KLF12: variants seen among roughly 807,000 people sequenced by gnomAD.
KLF12 encodes Krueppel-like factor 12.
Under a neutral mutation model 37.8 loss-of-function variants are expected in KLF12, and 9 were observed. The observed-to-expected ratio is 0.24, with a 90% CI of 0.14 to 0.42. The LOEUF (loss-of-function observed/expected upper bound fraction) is 0.42. Among genes scored for constraint, KLF12 ranks in the 10% least tolerant of loss-of-function variants. The pLI is 1.00. For missense variants in KLF12, 411 were observed against 516.0 expected (o/e 0.80, Z 1.97); for synonymous variants, 208 against 202.1 (o/e 1.03, Z -0.25).
chr13:73,975,009 T>C (rs1193872784), intron 2 of KLF12, among the ~76,000 whole-genome samples: 1 of 152,198 alleles, frequency 6.6e-6, no homozygotes, highest in Non-Finnish European at 1.5e-5. Context: ...TAAAAGGGAA[T>C]CTTAAAACTC....
the KLF12 span, among the ~76,000 whole-genome samples, chr13:74,298,645 T>C: frequency 2.0e-5 from 3 of 152,216 alleles, no homozygotes; most frequent in Non-Finnish European, 2.9e-5. Flanking sequence ...TTTGAAGTTA[T>C]AGAGGCTGGA....
At chr13:73,711,182 A>G (rs918702424) in intron 7 of KLF12, among the ~76,000 whole-genome samples, 7 of 152,232 alleles carry the variant, frequency 4.6e-5, no homozygotes, top group African/African-American at 1.7e-4. Flanking sequence ...GTTTAAGGAC[A>G]GAAGCTGTCT....
chr13:73,808,882 C>T (rs1406682639), intron 5 of KLF12, among the ~76,000 whole-genome samples: 1 of 152,138 alleles, frequency 6.6e-6, no homozygotes, highest in Non-Finnish European at 1.5e-5. Context: ...GAAAGGCTGG[C>T]CCAGGGCAAG....
chr13:74,179,786 T>C, the KLF12 span, among the ~76,000 whole-genome samples: 3 of 152,226 alleles, frequency 2.0e-5, no homozygotes, highest in African/African-American at 7.2e-5. Context: ...AGATTTTAAC[T>C]CTAAATTGCT....
chr13:73,894,775 T>A (rs1473328018), intron 3 of KLF12, among the ~76,000 whole-genome samples: 1 of 152,202 alleles, frequency 6.6e-6, no homozygotes, highest in East Asian at 1.9e-4. Context: ...TCTTTTGACT[T>A]TTTCCATTAA....
intron 1 of KLF12, among the ~76,000 whole-genome samples, chr13:74,087,030 T>G (rs1209562527): frequency 6.6e-6 from 1 of 152,160 alleles, no homozygotes; most frequent in African/African-American, 2.4e-5. Context: ...TATATCCACA[T>G]ATAAGTGGAC....
chr13:73,833,197 C>T (rs994346627), intron 4 of KLF12, among the ~76,000 whole-genome samples: 1 of 152,140 alleles, frequency 6.6e-6, no homozygotes, highest in African/African-American at 2.4e-5. Flanking sequence ...CCTAGTTTCA[C>T]AGGTAAAATA....
At chr13:73,908,771 CG>C (rs1888435415) in intron 3 of KLF12, among the ~76,000 whole-genome samples, 2 of 152,098 alleles carry the variant, frequency 1.3e-5, no homozygotes, top group Non-Finnish European at 2.9e-5. Flanking sequence ...TGAGCTACCG[CG>C]CCTGGCCGGT....
chr13:74,138,408 T>A (rs71433105), upstream of KLF12, among the ~76,000 whole-genome samples: 2,454 of 152,304 alleles, frequency 0.016, 45 homozygotes, highest in Middle Eastern at 0.031. Flanking sequence ...ATCTTGGCAA[T>A]AATGTGCAGC....
the KLF12 span, among the ~76,000 whole-genome samples, chr13:74,260,517 G>A: frequency 6.7e-6 from 1 of 150,102 alleles, no homozygotes; most frequent in Non-Finnish European, 1.5e-5. Flanking sequence ...TTGCCCCACT[G>A]CACTCCAGCC....
chr13:73,764,899 G>C, intron 6 of KLF12, 39 bp downstream of exon 6: 1 of 1,195,656 alleles, frequency 8.4e-7, no homozygotes, highest in South Asian at 1.3e-5. Context: ...AAAGTTTCCC[G>C]TAAGACCTAC....
rs931903611 is a variant in KLF12 at position 73,997,162 on chromosome 13, C to A, written c.-31-2109G>T. Reference sequence around the variant, plus strand: ...AAGATTCATCTCTTGCCTTTCAGCCCCTCATACTTTAAGTAGCACAAATGA... The same window carrying A: ...AAGATTCATCTCTTGCCTTTCAGCCACTCATACTTTAAGTAGCACAAATGA... On this transcript the variant is annotated intron_variant, in intron 1 of 7. Coordinates refer to ENST00000377669, the MANE Select transcript of KLF12 (RefSeq NM_007249.5). Among the ~76,000 whole-genome samples, 3 of 152,120 alleles carry A rather than the reference C, an allele frequency of 2.0e-5. No individual in the cohort carries two copies. In the East Asian group the frequency reaches 5.8e-4, roughly 29 times the overall value.
Position 73,695,458 on chromosome 13 carries a change from G to A in KLF12, c.*32C>T. ...GAATTGGGTGCCGCTAAGAGATCCA[G>A]CTCTTACGCTCAGCTGGACAGGTAG... On this transcript the variant is annotated 3_prime_UTR_variant, in exon 8 of 8. Transcript: ENST00000377669. The A allele has an allele frequency of 6.2e-7, 1 of 1,606,578 alleles. No individual in the cohort carries two copies. Among genetic ancestry groups the A allele is most frequent in the South Asian group, 1.1e-5 (1 of 90,766 alleles).
At chr13:73,847,973 C>T (rs1460297956) in intron 3 of KLF12, among the ~76,000 whole-genome samples, 1 of 152,036 alleles carries the variant, frequency 6.6e-6, no homozygotes, top group Non-Finnish European at 1.5e-5. Context: ...CTATATTATA[C>T]CCACATAGAA....
chr13:74,195,839 C>T, the KLF12 span, among the ~76,000 whole-genome samples: 4 of 152,140 alleles, frequency 2.6e-5, no homozygotes, highest in African/African-American at 7.2e-5. Context: ...TCGCCTTGGC[C>T]TCCCAAACTG....
At chr13:74,168,867 C>T in the KLF12 span, among the ~76,000 whole-genome samples, 1 of 152,172 alleles carries the variant, frequency 6.6e-6, no homozygotes, top group East Asian at 1.9e-4. Flanking sequence ...AGAAGAAAAG[C>T]TTTTGTGCAC....
chr13:74,011,882 TG>T (rs1892560394), intron 1 of KLF12, among the ~76,000 whole-genome samples: 1 of 152,226 alleles, frequency 6.6e-6, no homozygotes, highest in Non-Finnish European at 1.5e-5. Flanking sequence ...ATTTCAACTA[TG>T]TCTTTTCACT....
the KLF12 span, among the ~76,000 whole-genome samples, chr13:74,164,897 T>C: frequency 1.5e-3 from 232 of 152,304 alleles, no homozygotes; most frequent in African/African-American, 5.1e-3. Context: ...GAATGATGGT[T>C]ACCAGAGGCT....
At chr13:73,718,885 C>T (rs773198299) in intron 6 of KLF12, among the ~76,000 whole-genome samples, 23 of 151,716 alleles carry the variant, frequency 1.5e-4, no homozygotes, top group Non-Finnish European at 2.9e-4. Flanking sequence ...AAGAGCGAGA[C>T]CTGTCTCAAA....
Sources: allele counts gnomAD v4.1 joint callset (sites outside exome capture counted in the v4.1 genomes callset), GRCh38; gene constraint gnomAD v4.1.1; transcripts MANE v1.5; gene names NCBI Gene and HGNC (gene_info 2026-07-23, HGNC 2026-07-21).